Variants in CD163L1 observed in about 807,000 individuals in gnomAD.
The protein encoded by CD163L1 is CD163 molecule like 1, also known as scavenger receptor cysteine-rich type 1 protein M160.
A neutral mutation model predicts 165.4 loss-of-function variants in CD163L1; 124 were observed. The ratio of observed to expected loss-of-function variants is 0.75; its 90% CI spans 0.65 to 0.87. The LOEUF is 0.87. Among genes scored for constraint, CD163L1 ranks in the 40% least tolerant of loss-of-function variants. The pLI is 0.00. For missense variants in CD163L1, 1,525 were observed against 1,799.9 expected, an observed-to-expected ratio of 0.85 and a Z score of 2.76; for synonymous variants, 585 against 662.2, an observed-to-expected ratio of 0.88 and a Z score of 1.79.
chr12:7,420,245 G>A (rs985516550), intron 4 of CD163L1, among the ~76,000 whole-genome samples: 12 of 151,982 alleles, frequency 7.9e-5, no homozygotes, highest in East Asian at 1.9e-4. Context: ...ACCCGAAACC[G>A]TAAAAATTCT....
chr12:7,419,481 G>C (rs778490214), intron 4 of CD163L1, among the ~76,000 whole-genome samples: 2 of 151,436 alleles, frequency 1.3e-5, no homozygotes, highest in South Asian at 4.2e-4. Context: ...CACTTCTATT[G>C]AACATAGTAC....
At position 7,368,934 on chromosome 12, in the gene CD163L1, T is replaced by G; in HGVS notation, c.4071A>C (p.Ser1357=). The G allele has an allele frequency of 6.2e-7, 1 of 1,613,616 alleles. No homozygotes were observed. The highest frequency in any genetic ancestry group is 8.5e-7 in the Non-Finnish European group (1 of 1,179,858). ...GCACTGATAGGCAGAAGACTATACCTGAGGAGGCATTCAGTGATTTCAGCG... is the reference window on the plus strand; with the variant it reads ...GCACTGATAGGCAGAAGACTATACCGGAGGAGGCATTCAGTGATTTCAGCG... ...GQSLKSLNAS[S]GHLALILSSI... is the part of the protein sequence containing the mutation. The change falls in exon 16 of 20, where the codon TCA becomes TCC. Residue 1357 remains serine, a splice_region_variant and synonymous_variant. Coordinates refer to ENST00000313599, the MANE Select transcript of CD163L1 (RefSeq NM_174941.6). This position sits in a 1 kb window ranked among gnomAD's most constrained non-coding sequence, Gnocchi z 4.3.
the CD163L1 span, chr12:7,328,163 A>G: frequency 4.7e-6 from 3 of 644,950 alleles, no homozygotes; most frequent in East Asian, 3.3e-5. Flanking sequence ...AAATTCAATG[A>G]GCTTAGGCTA....
Position 7,347,627 on chromosome 12 carries a change from G to A in CD163L1, c.*25-480C>T, listed in dbSNP as rs1008620801. ...CTGAAAATACAAAAAAATTAGCCTGGTGTGGTGGCGGGCGCCTGTAGTCCC... is the reference window on the plus strand; with the variant it reads ...CTGAAAATACAAAAAAATTAGCCTGATGTGGTGGCGGGCGCCTGTAGTCCC... On this transcript the variant is annotated intron_variant, in intron 4 of 4. Coordinates refer to the CD163L1 transcript ENST00000539726. This position sits in a 1 kb window ranked among gnomAD's most constrained non-coding sequence, Gnocchi z 4.2. Among the ~76,000 whole-genome samples the A allele has an allele frequency of 2.0e-5, 3 of 152,098 alleles. No homozygotes were observed. Among genetic ancestry groups the A allele is most frequent in the Non-Finnish European group, 2.9e-5 (2 of 68,010 alleles).
Position 7,389,652 on chromosome 12 carries a change from G to A in CD163L1, c.2050+6443C>T, listed in dbSNP as rs1415375402. Among the ~76,000 whole-genome samples, 4 of 151,988 alleles carry A rather than the reference G, an allele frequency of 2.6e-5. No homozygotes were observed. The East Asian group carries it at 7.7e-4, about 29-fold the overall frequency. On this transcript the variant is annotated intron_variant, in intron 8 of 19. Coordinates refer to ENST00000313599, the MANE Select transcript of CD163L1 (RefSeq NM_174941.6). Reference sequence around the variant, plus strand: ...AACTTAATTGTATATTTTTAAATAAGTTAAAGAATGTAATTGGATTGCTTG... The same window carrying A: ...AACTTAATTGTATATTTTTAAATAAATTAAAGAATGTAATTGGATTGCTTG...
intron 2 of CD163L1, chr12:7,438,772 C>T: frequency 1.4e-6 from 2 of 1,442,186 alleles, no homozygotes; most frequent in Non-Finnish European, 1.9e-6. Flanking sequence ...CTCCCGTGGC[C>T]CTTACCTCCT....
intron 8 of CD163L1, among the ~76,000 whole-genome samples, chr12:7,381,496 C>A (rs1235442182): frequency 6.6e-6 from 1 of 152,154 alleles, no homozygotes; most frequent in East Asian, 1.9e-4. Context: ...CTATTTGTTA[C>A]TCTGTGTCTT....
At chr12:7,328,228 G>A in the CD163L1 span, 26 of 1,333,388 alleles carry the variant, frequency 1.9e-5, no homozygotes, top group Admixed American at 1.2e-4. Context: ...CCTTCCTATC[G>A]CACGGACAAT....
chr12:7,425,788 C>G (rs1415034387), intron 4 of CD163L1, among the ~76,000 whole-genome samples: 1 of 152,100 alleles, frequency 6.6e-6, no homozygotes, highest in African/African-American at 2.4e-5. Context: ...ACATCTCACA[C>G]CAGTTAGAAT....
chr12:7,361,197 T>G (rs7953422), intron 18 of CD163L1, among the ~76,000 whole-genome samples: 1 of 151,990 alleles, frequency 6.6e-6, no homozygotes, highest in African/African-American at 2.4e-5. Context: ...TGCTTCATTG[T>G]GTATGTTCTG....
Position 7,379,073 on chromosome 12 carries a change from C to T in CD163L1, c.2276G>A (p.Cys759Tyr). ...TLHILMSNSG[C>Y]TGGEASLWDC... ...CCAGAGAGAGGCTTCCCCTCCAGTG[C>T]AGCCAGAATTCGACATTAAGATGTG... Residue 759 changes from cysteine (C) to tyrosine (Y), a missense_variant, in exon 9 of 20, where the codon TGC (cysteine) becomes TAC (tyrosine). By Grantham distance (194) the Cys-to-Tyr change is radical. Coordinates refer to ENST00000313599, the MANE Select transcript of CD163L1 (RefSeq NM_174941.6). The T allele has an allele frequency of 6.2e-7, 1 of 1,614,142 alleles. No homozygotes were observed.
intron 4 of CD163L1, among the ~76,000 whole-genome samples, chr12:7,430,158 A>G (rs945002434): frequency 6.6e-6 from 1 of 152,184 alleles, no homozygotes; most frequent in Non-Finnish European, 1.5e-5. Flanking sequence ...AAATAATCTG[A>G]TACTAATTTG....
Position 7,368,283 on chromosome 12 carries a change from G to T in CD163L1, c.4073-86C>A. On this transcript the variant is annotated intron_variant, in intron 16 of 19. Coordinates refer to ENST00000313599, the MANE Select transcript of CD163L1 (RefSeq NM_174941.6). The surrounding 1 kb of genome is among the most constrained non-coding windows in gnomAD (Gnocchi z 4.3). Reference sequence around the variant, plus strand: ...CATTGTAAAAAAAACTGGTTCCCTAGTTGCTGAGAAGAATAATGGCTATAC... The same window carrying T: ...CATTGTAAAAAAAACTGGTTCCCTATTTGCTGAGAAGAATAATGGCTATAC... 1 of 685,578 alleles carries T rather than the reference G, an allele frequency of 1.5e-6. No individual in the cohort carries two copies. The highest frequency in any genetic ancestry group is 2.5e-6 in the Non-Finnish European group (1 of 395,888). 42.5% of individuals were successfully genotyped at this position (685,578 alleles called of 1,614,324 possible). A position where few individuals can be genotyped will look rare whatever the true frequency, so the allele number is the denominator to read the frequency against.
chr12:7,367,493 A>G (rs1465109029), intron 17 of CD163L1, 162 bp from the exon 18 acceptor site: 4 of 491,194 alleles, frequency 8.1e-6, no homozygotes, highest in Non-Finnish European at 1.1e-5. Context: ...CATTTTTAAA[A>G]TTTATCCTCC....
At chr12:7,357,058 A>G (rs1175358289) in intron 19 of CD163L1, among the ~76,000 whole-genome samples, 2 of 152,136 alleles carry the variant, frequency 1.3e-5, no homozygotes, top group African/African-American at 4.8e-5. Flanking sequence ...ACAAAAATGA[A>G]CAGAAATCCT....
intron 8 of CD163L1, among the ~76,000 whole-genome samples, chr12:7,385,034 C>A (rs748980877): frequency 6.6e-6 from 1 of 151,786 alleles, no homozygotes; most frequent in East Asian, 1.9e-4. Context: ...ATTAAATTGT[C>A]CACTTAAAAG....
intron 4 of CD163L1, among the ~76,000 whole-genome samples, chr12:7,407,256 C>T (rs1029981410): frequency 1.3e-5 from 2 of 152,246 alleles, no homozygotes; most frequent in East Asian, 3.9e-4. Context: ...AATAAGATAT[C>T]ATTGTCATCA....
intron 8 of CD163L1, among the ~76,000 whole-genome samples, chr12:7,380,372 T>TGTATGTGTGTATATGCGTATACAC (rs1565784301): frequency 3.4e-5 from 5 of 145,240 alleles, no homozygotes; most frequent in South Asian, 2.2e-4. Flanking sequence ...CGCGTATACA[T>TGTATGTGTGTATATGCGTATACAC]ACATGTATGT....
At chr12:7,340,390 T>C in the CD163L1 span, among the ~76,000 whole-genome samples, 1 of 152,178 alleles carries the variant, frequency 6.6e-6, no homozygotes, top group Non-Finnish European at 1.5e-5. Flanking sequence ...ATGATTTCAA[T>C]TGTAGACCAT....
Sources: allele counts gnomAD v4.1 joint callset (sites outside exome capture counted in the v4.1 genomes callset), GRCh38; gene constraint gnomAD v4.1.1; non-coding constraint Gnocchi (gnomAD v3.1); transcripts MANE v1.5; gene names NCBI Gene and HGNC (gene_info 2026-07-23, HGNC 2026-07-21).